SCHIP1: variants seen among roughly 807,000 people sequenced by gnomAD.
The protein encoded by SCHIP1 is schwannomin interacting protein 1.
Under a neutral mutation model 29.7 loss-of-function variants are expected in SCHIP1, and 8 were observed. The ratio of observed to expected loss-of-function variants is 0.27; its 90% CI spans 0.16 to 0.49. SCHIP1 has a LOEUF of 0.49. Ranked by LOEUF, SCHIP1 falls within the 20% of genes least tolerant of loss-of-function variation. SCHIP1 has a pLI of 0.99. For synonymous variants in SCHIP1, 76 were observed against 94.9 expected (o/e 0.80, Z 1.16); for missense variants, 193 against 294.6 (o/e 0.66, Z 2.52).
chr3:159,680,645 A>AT, the SCHIP1 span, among the ~76,000 whole-genome samples: 246 of 83,282 alleles, frequency 3.0e-3, 1 homozygote, highest in Non-Finnish European at 4.6e-3. Flanking sequence ...TATATTATAT[A>AT]ATATATGTAT....
the SCHIP1 span, among the ~76,000 whole-genome samples, chr3:159,332,262 G>A: frequency 6.6e-6 from 1 of 152,120 alleles, no homozygotes; most frequent in Non-Finnish European, 1.5e-5. Context: ...GCCTATATAA[G>A]CCTCTGTAAT....
At chr3:159,641,135 T>A in the SCHIP1 span, among the ~76,000 whole-genome samples, 32 of 152,194 alleles carry the variant, frequency 2.1e-4, no homozygotes, top group Admixed American at 1.8e-3. Context: ...ATACCTGGTA[T>A]GTAATAGCCA....
the SCHIP1 span, among the ~76,000 whole-genome samples, chr3:159,777,165 T>C: frequency 6.6e-6 from 1 of 152,220 alleles, no homozygotes; most frequent in South Asian, 2.1e-4. Flanking sequence ...ATATCTGCTG[T>C]CCAGAATACT....
the SCHIP1 span, among the ~76,000 whole-genome samples, chr3:159,523,453 C>T: frequency 6.6e-6 from 1 of 151,738 alleles, no homozygotes; most frequent in Admixed American, 6.6e-5. Flanking sequence ...TTATTTAAAC[C>T]GATTGGAAAT....
At chr3:159,434,315 G>A in the SCHIP1 span, among the ~76,000 whole-genome samples, 91 of 152,148 alleles carry the variant, frequency 6.0e-4, no homozygotes, top group African/African-American at 2.0e-3. Flanking sequence ...GAGGAGGAAG[G>A]CAATACATAA....
At chr3:159,406,902 G>C in the SCHIP1 span, among the ~76,000 whole-genome samples, 8 of 151,454 alleles carry the variant, frequency 5.3e-5, no homozygotes, top group Non-Finnish European at 1.2e-4. Flanking sequence ...ATACACAAGA[G>C]GTAAAAATCA....
At chr3:159,862,498 A>T (rs1167312437) in intron 1 of SCHIP1, among the ~76,000 whole-genome samples, 1 of 152,230 alleles carries the variant, frequency 6.6e-6, no homozygotes, top group Non-Finnish European at 1.5e-5. Flanking sequence ...TTTCTCATTT[A>T]ATCTTCCAGC....
the SCHIP1 span, among the ~76,000 whole-genome samples, chr3:159,767,423 G>A: frequency 1.7e-4 from 26 of 152,298 alleles, no homozygotes; most frequent in Non-Finnish European, 1.3e-4. Flanking sequence ...AGTGCTGCCT[G>A]GAGTACGTAA....
chr3:159,292,367 G>A, the SCHIP1 span, among the ~76,000 whole-genome samples: 2 of 152,160 alleles, frequency 1.3e-5, no homozygotes, highest in South Asian at 4.1e-4. Flanking sequence ...TAAGAATGTT[G>A]AATTTATAGC....
chr3:159,599,896 G>A, the SCHIP1 span, among the ~76,000 whole-genome samples: 1 of 152,020 alleles, frequency 6.6e-6, no homozygotes, highest in African/African-American at 2.4e-5. Flanking sequence ...AGTTCTTGCA[G>A]GGTCAGTCTA....
the SCHIP1 span, among the ~76,000 whole-genome samples, chr3:159,397,801 T>G: frequency 0.027 from 4,054 of 152,168 alleles, 187 homozygotes; most frequent in African/African-American, 0.093. Context: ...CCCCAGAGGT[T>G]GAGCCTACAA....
At chr3:159,459,211 C>T in the SCHIP1 span, among the ~76,000 whole-genome samples, 6 of 152,090 alleles carry the variant, frequency 3.9e-5, no homozygotes, top group Non-Finnish European at 7.4e-5. Context: ...CCTCATGCTC[C>T]GACTGCTGCT....
the SCHIP1 span, among the ~76,000 whole-genome samples, chr3:159,827,312 A>G: frequency 2.0e-5 from 3 of 152,182 alleles, no homozygotes; most frequent in Non-Finnish European, 4.4e-5. Flanking sequence ...AACTAATAGC[A>G]ATAGCATTTC....
the SCHIP1 span, among the ~76,000 whole-genome samples, chr3:159,726,352 G>A: frequency 2.0e-4 from 31 of 152,196 alleles, no homozygotes; most frequent in Admixed American, 3.9e-4. Context: ...AAGAATTCCA[G>A]GTGCAGAAAT....
At chr3:159,540,434 A>G in the SCHIP1 span, among the ~76,000 whole-genome samples, 1 of 152,108 alleles carries the variant, frequency 6.6e-6, no homozygotes, top group Non-Finnish European at 1.5e-5. Flanking sequence ...TGATAAAAAT[A>G]TTTTCAACAT....
chr3:159,646,981 A>G, the SCHIP1 span, among the ~76,000 whole-genome samples: 1 of 151,962 alleles, frequency 6.6e-6, no homozygotes. Flanking sequence ...GATCTGGAAC[A>G]CAGGAGAGAG....
the SCHIP1 span, among the ~76,000 whole-genome samples, chr3:159,788,295 A>G: frequency 1.3e-5 from 2 of 152,244 alleles, no homozygotes; most frequent in African/African-American, 2.4e-5. Context: ...AGAAAAACAA[A>G]GTACTGATAG....
At chr3:159,539,843 G>A in the SCHIP1 span, among the ~76,000 whole-genome samples, 3 of 147,590 alleles carry the variant, frequency 2.0e-5, no homozygotes, top group Non-Finnish European at 4.5e-5. Flanking sequence ...TATCTATTTT[G>A]GCTAAAAATC....
intron 5 of SCHIP1, among the ~76,000 whole-genome samples, chr3:159,889,565 G>A (rs1717287613): frequency 6.6e-6 from 1 of 152,210 alleles, no homozygotes; most frequent in Admixed American, 6.5e-5. Context: ...AGGCAGTGTG[G>A]TTAAGCCGAT....
Sources: allele counts gnomAD v4.1 joint callset (sites outside exome capture counted in the v4.1 genomes callset), GRCh38; gene constraint gnomAD v4.1.1; transcripts MANE v1.5; gene names NCBI Gene and HGNC (gene_info 2026-07-23, HGNC 2026-07-21).